COL9A1: variants seen among roughly 807,000 people sequenced by gnomAD.
COL9A1 encodes collagen type IX alpha 1 chain.
In COL9A1, 104 loss-of-function variants were observed where a neutral mutation model predicts 142.6. The observed-to-expected ratio is 0.73, with a 90% CI of 0.62 to 0.86. The LOEUF (loss-of-function observed/expected upper bound fraction) is 0.86. COL9A1 is among the 40% of genes least tolerant of loss of function. COL9A1 has a pLI of 0.00. For synonymous variants in COL9A1, 466 were observed against 396.0 expected (o/e 1.18, Z -2.10); for missense variants, 1,210 against 1,176.6 (o/e 1.03, Z -0.42).
In COL9A1 at chr6:70,226,005, G is replaced by A. The variant is rs1448488010; in HGVS notation, c.2508C>T (p.Asp836=). The A allele has an allele frequency of 1.2e-6, 2 of 1,612,878 alleles. No individual in the cohort carries two copies. Among genetic ancestry groups the A allele is most frequent in the East Asian group, 4.5e-5 (2 of 44,860 alleles). The part of the protein sequence containing the change: ...GALGLRGPKG[D]LGEKGERGPP... Reference sequence around the variant, plus strand: ...GGCCACGCTCCCCCTTTTCTCCCAAGTCACCTGCATTACATTAAAGAAATG... The same window carrying A: ...GGCCACGCTCCCCCTTTTCTCCCAAATCACCTGCATTACATTAAAGAAATG... The change falls in exon 37 of 38, where the codon GAC becomes GAT. Residue 836 remains aspartate, a synonymous_variant. Transcript: ENST00000357250.
intron 37 of COL9A1, among the ~76,000 whole-genome samples, chr6:70,222,359 G>A (rs1015820976): frequency 6.6e-6 from 1 of 152,142 alleles, no homozygotes; most frequent in Non-Finnish European, 1.5e-5. Context: ...CAAGGTAAAA[G>A]AATAGTGCAT....
At chr6:70,279,973 T>A (rs1406750009) in intron 10 of COL9A1, 1 of 689,224 alleles carries the variant, frequency 1.5e-6, no homozygotes, top group Non-Finnish European at 2.7e-6. Context: ...CGCCATTTCT[T>A]ACTTCACTTC....
In COL9A1 at chr6:70,216,984, T is replaced by A; in HGVS notation, c.2679A>T (p.Gly893=). The stretch of plus-strand genomic sequence containing the variant: ...CACAGAAACCGGGAAGCCCAGGAGG[T>A]CCCGGGGGTCCAGGCACTCCAGGAA... The part of the protein sequence containing the change: ...AGIPGVPGPP[G]PPGLPGFCEP... Residue 893 remains glycine, a synonymous_variant, in exon 38 of 38, where the codon GGA becomes GGT. Transcript: ENST00000357250. 6.2e-7 allele frequency: 1 copy of A among 1,613,884 alleles called. No homozygotes were observed. The highest frequency in any genetic ancestry group is 8.5e-7 in the Non-Finnish European group (1 of 1,179,942).
In COL9A1 at chr6:70,239,285, C is replaced by T; in HGVS notation, c.2081G>A (p.Gly694Glu). Residue 694 changes from glycine to glutamate, a missense_variant and splice_region_variant, in exon 33 of 38, where the codon GGA (glycine) becomes GAA (glutamate). By Grantham distance (98) the Gly-to-Glu change is moderately conservative (BLOSUM62 -2). Coordinates refer to ENST00000357250, the MANE Select transcript of COL9A1 (RefSeq NM_001851.6). The stretch of plus-strand genomic sequence containing the variant: ...CTTTGGGCCAGGTAATCCTATATCT[C>T]CCTAAATCAATAAAAGAAATTTATG... Reference protein sequence around the residue: ...EGEAGERGELGDIGLPGPKGS... With the variant: ...EGEAGERGELEDIGLPGPKGS... 1 of 1,553,282 alleles carries T rather than the reference C, an allele frequency of 6.4e-7. No homozygotes were observed.
rs749074294 is a variant in COL9A1 at position 70,232,679 on chromosome 6, G to T, written c.2407C>A (p.Pro803Thr). 35 of 1,613,908 alleles carry T rather than the reference G, an allele frequency of 2.2e-5. No individual in the cohort carries two copies. Among genetic ancestry groups the T allele is most frequent in the Non-Finnish European group, 2.7e-5 (32 of 1,180,026 alleles). The change falls in exon 36 of 38, where the codon CCT becomes ACT. Residue 803 changes from proline (P) to threonine (T), a missense_variant. Physicochemically the swap from Pro to Thr is conservative, Grantham distance 38. Transcript: ENST00000357250. ...GRPGPPGPPG[P>T]PGENGFPGQM... The stretch of plus-strand genomic sequence containing the variant: ...CCTGGGAAACCATTCTCTCCAGGAG[G>T]GCCGGGGGGACCAGGAGGGCCAGGC...
chr6:70,299,622 G>A (rs529393933), intron 4 of COL9A1, among the ~76,000 whole-genome samples: 2 of 152,228 alleles, frequency 1.3e-5, no homozygotes, highest in Non-Finnish European at 2.9e-5. Context: ...GCCAAGCAGT[G>A]GACGTGTGGC....
chr6:70,283,088 T>C, intron 6 of COL9A1, 170 bp from the exon 7 acceptor site: 2 of 1,552,852 alleles, frequency 1.3e-6, no homozygotes, highest in African/African-American at 1.4e-5. Flanking sequence ...GGCCCGGCTC[T>C]GCAGCCTGGT....
chr6:70,268,939 C>A lies in COL9A1; in HGVS notation c.1231-79G>T, dbSNP rs116114924. ...TAGGACTCCCGCTTTGTGACAGTATCTTTTTTAAGGGATTCCAGTTACAGA... is the reference window on the plus strand; with the variant it reads ...TAGGACTCCCGCTTTGTGACAGTATATTTTTTAAGGGATTCCAGTTACAGA... On this transcript the variant is annotated intron_variant, in intron 16 of 37. Transcript: ENST00000357250. 4.3e-3 allele frequency: 5,252 copies of A among 1,226,276 alleles called. 157 individuals carry two copies. In the African/African-American group the frequency reaches 0.066, roughly 15 times the overall value. 76.0% of individuals were successfully genotyped at this position (1,226,276 alleles called of 1,614,324 possible). A position where few individuals can be genotyped will look rare whatever the true frequency, so the allele number is the denominator to read the frequency against.
chr6:70,258,612 A>G (rs1771479939), intron 20 of COL9A1: 2 of 152,270 alleles, frequency 1.3e-5, no homozygotes, highest in Non-Finnish European at 2.9e-5. Context: ...TTGCATTACA[A>G]GAGCAGAACC....
chr6:70,224,830 C>T (rs1449502597), intron 37 of COL9A1, among the ~76,000 whole-genome samples: 1 of 152,004 alleles, frequency 6.6e-6, no homozygotes, highest in Non-Finnish European at 1.5e-5. Context: ...TATGTGAAAA[C>T]ATTTTGATGA....
At chr6:70,302,170 G>T in intron 1 of COL9A1, 96 bp from the exon 2 acceptor site, 2 of 742,416 alleles carry the variant, frequency 2.7e-6, no homozygotes, top group Non-Finnish European at 4.8e-6. Context: ...TTAATGTAAG[G>T]TGATCAAATC....
chr6:70,294,344 G>C lies in COL9A1; in HGVS notation c.519C>G (p.Ser173=), dbSNP rs1348281212. 1 of 1,613,990 alleles carries C rather than the reference G, an allele frequency of 6.2e-7. No homozygotes were observed. The highest frequency in any genetic ancestry group is 1.3e-5 in the African/African-American group (1 of 75,002). ...TATGCCACTGGGAATCAAACAAGGA[G>C]GACAAATTCGAAAAGGCTGCTGTTT... ...SLQTAAFSNL[S]SLFDSQWHKI... is the part of the protein sequence containing the mutation. Residue 173 remains serine, a synonymous_variant, in exon 5 of 38, where the codon TCC becomes TCG. Coordinates refer to ENST00000357250, the MANE Select transcript of COL9A1 (RefSeq NM_001851.6).
intron 7 of COL9A1, 134 bp from the exon 8 acceptor site, chr6:70,281,598 G>A (rs1198812264): frequency 3.2e-6 from 2 of 634,838 alleles, no homozygotes. Flanking sequence ...GCAACCCAAC[G>A]CAAAAATGTC....
At chr6:70,237,601 A>T (rs778837640) in intron 33 of COL9A1, among the ~76,000 whole-genome samples, 6 of 152,238 alleles carry the variant, frequency 3.9e-5, no homozygotes, top group Non-Finnish European at 8.8e-5. Context: ...TGCATGGTTC[A>T]TTAACTTTTC....
chr6:70,268,909 T>C (rs1463131883), intron 16 of COL9A1, 49 bp from the exon 17 acceptor site: 3 of 1,540,808 alleles, frequency 1.9e-6, no homozygotes, highest in Non-Finnish European at 1.8e-6. Flanking sequence ...ACAGAGTGCA[T>C]AAACTAGGAC....
intron 25 of COL9A1, among the ~76,000 whole-genome samples, chr6:70,254,078 C>T (rs111814333): frequency 0.017 from 2,594 of 152,238 alleles, 38 homozygotes; most frequent in Non-Finnish European, 0.028. Context: ...AAAAATAGTA[C>T]ATAATCTAAG....
chr6:70,228,122 TAATC>T (rs1769346882), intron 36 of COL9A1, among the ~76,000 whole-genome samples: 1 of 152,134 alleles, frequency 6.6e-6, no homozygotes, highest in Admixed American at 6.5e-5. Flanking sequence ...AAATATAAAT[TAATC>T]AATCTTAAAA....
rs372718275 is a variant in COL9A1 at position 70,296,125 on chromosome 6, T to G, written c.300-1562A>C. ...CTTTAACTTCTTTTATACAAATATT[T>G]TTACAAGCCCTCAATAAAATAAGTC... On this transcript the variant is annotated intron_variant, in intron 4 of 37. Coordinates refer to ENST00000357250, the MANE Select transcript of COL9A1 (RefSeq NM_001851.6). Among the ~76,000 whole-genome samples the G allele has an allele frequency of 2.7e-3, 413 of 152,344 alleles. 8 individuals are homozygous for G. In the South Asian group the frequency reaches 0.033, roughly 12 times the overall value.
At chr6:70,232,269 T>C (rs76737070) in intron 36 of COL9A1, among the ~76,000 whole-genome samples, 1,585 of 152,306 alleles carry the variant, frequency 0.01, 36 homozygotes, top group African/African-American at 0.036. Flanking sequence ...AAAAAATAGC[T>C]GAATGATCGT....
Sources: allele counts gnomAD v4.1 joint callset (sites outside exome capture counted in the v4.1 genomes callset), GRCh38; gene constraint gnomAD v4.1.1; transcripts MANE v1.5; gene names NCBI Gene and HGNC (gene_info 2026-07-23, HGNC 2026-07-21).